NCOA2: variants seen among roughly 807,000 people sequenced by gnomAD.
NCOA2 encodes the protein class E basic helix-loop-helix protein 75.
In NCOA2, 21 loss-of-function variants were observed where a neutral mutation model predicts 145.1. That is an observed-to-expected ratio of 0.14 (90% CI 0.10 to 0.21). NCOA2 has a LOEUF of 0.21. NCOA2 is among the 10% of genes least tolerant of loss of function. The pLI is 1.00. For missense variants in NCOA2, 1,472 were observed against 1,837.6 expected (o/e 0.80, Z 3.64); for synonymous variants, 619 against 637.5 (o/e 0.97, Z 0.44).
At chr8:70,325,087 T>G (rs1806435260) in intron 1 of NCOA2, among the ~76,000 whole-genome samples, 1 of 152,246 alleles carries the variant, frequency 6.6e-6, no homozygotes, top group Non-Finnish European at 1.5e-5. Context: ...ATTACTGTTA[T>G]TCCTATCTTA....
At chr8:70,307,086 G>A (rs1437139236) in intron 1 of NCOA2, among the ~76,000 whole-genome samples, 1 of 151,924 alleles carries the variant, frequency 6.6e-6, no homozygotes, top group East Asian at 1.9e-4. Flanking sequence ...TCAAAGAAAA[G>A]GATTTGATAT....
intron 2 of NCOA2, among the ~76,000 whole-genome samples, chr8:70,222,125 T>C (rs1335515626): frequency 2.0e-5 from 3 of 152,332 alleles, no homozygotes; most frequent in East Asian, 1.9e-4. Flanking sequence ...TTAATTCATA[T>C]AGTAACAACA....
At chr8:70,297,437 G>C (rs760577026) in intron 1 of NCOA2, among the ~76,000 whole-genome samples, 3 of 152,162 alleles carry the variant, frequency 2.0e-5, no homozygotes, top group Non-Finnish European at 4.4e-5. Context: ...AGGCTCAGGT[G>C]ATCCTCCCGC....
chr8:70,171,966 G>C (rs545730554), intron 5 of NCOA2, among the ~76,000 whole-genome samples: 1 of 152,170 alleles, frequency 6.6e-6, no homozygotes, highest in South Asian at 2.1e-4. Flanking sequence ...TGGAACTACA[G>C]GCATGTACCA....
rs116291656 is a variant in NCOA2 at position 70,131,799 on chromosome 8, G to A, written c.3324+38C>T. On this transcript the variant is annotated intron_variant, in intron 16 of 22. Transcript: ENST00000452400. Reference sequence around the variant, plus strand: ...AAAATGGACACCTCTGCGCCCATGAGAGCGCTTGGCCCCCACCTGCTGCCC... The same window carrying A: ...AAAATGGACACCTCTGCGCCCATGAAAGCGCTTGGCCCCCACCTGCTGCCC... The A allele has an allele frequency of 1.5e-3, 2,415 of 1,558,942 alleles. 35 individuals carry two copies. The African/African-American group carries it at 0.028, about 18-fold the overall frequency.
chr8:70,432,846 C>T, the NCOA2 span, among the ~76,000 whole-genome samples: 1 of 151,844 alleles, frequency 6.6e-6, no homozygotes, highest in East Asian at 1.9e-4. Flanking sequence ...AGTTAAAAAT[C>T]TATGTTTTGG....
rs528360398 is a variant in NCOA2, at chr8:70,282,253, A to G, written c.-20+14491T>C. Among the ~76,000 whole-genome samples the G allele has an allele frequency of 1.4e-4, 22 of 152,340 alleles. 1 individual carries two copies. The South Asian group carries it at 3.5e-3, about 24-fold the overall frequency. On this transcript the variant is annotated intron_variant, in intron 2 of 22. Coordinates refer to ENST00000452400, the MANE Select transcript of NCOA2 (RefSeq NM_006540.4). ...TATCCAACTAGATGTATACAGATTGATTATAAAGATTAATAAAGATATATG... is the reference window on the plus strand; with the variant it reads ...TATCCAACTAGATGTATACAGATTGGTTATAAAGATTAATAAAGATATATG...
At chr8:70,127,352 C>A (rs147866847) in intron 18 of NCOA2, among the ~76,000 whole-genome samples, 15 of 152,256 alleles carry the variant, frequency 9.9e-5, no homozygotes, top group African/African-American at 3.4e-4. Context: ...TAACACAGTC[C>A]TTTCTATAAG....
At chr8:70,221,515 T>C (rs970303503) in intron 2 of NCOA2, among the ~76,000 whole-genome samples, 15 of 152,222 alleles carry the variant, frequency 9.9e-5, no homozygotes, top group East Asian at 9.6e-4. Flanking sequence ...ATAAACAAAA[T>C]GTGCTTTTTG....
intron 2 of NCOA2, among the ~76,000 whole-genome samples, chr8:70,267,741 A>C (rs1824733667): frequency 6.6e-6 from 1 of 152,178 alleles, no homozygotes; most frequent in Non-Finnish European, 1.5e-5. Flanking sequence ...TGAATTACAT[A>C]TTAAATAATC....
intron 1 of NCOA2, among the ~76,000 whole-genome samples, chr8:70,395,661 A>C (rs2131694555): frequency 6.6e-6 from 1 of 152,338 alleles, no homozygotes; most frequent in East Asian, 1.9e-4. Context: ...ACAATACCAA[A>C]GACAAGGGAA....
chr8:70,226,657 TATTTA>T (rs1820671983), intron 2 of NCOA2, among the ~76,000 whole-genome samples: 3 of 59,600 alleles, frequency 5.0e-5, no homozygotes, highest in Non-Finnish European at 1.3e-4. Context: ...ATGTTTTAAT[TATTTA>T]TATATATATA....
intron 1 of NCOA2, among the ~76,000 whole-genome samples, chr8:70,312,034 G>A (rs79566950): frequency 0.037 from 5,561 of 152,162 alleles, 357 homozygotes; most frequent in African/African-American, 0.13. Flanking sequence ...TGTGCATTAG[G>A]AAAATGCCTA....
At chr8:70,130,718 C>G (rs986375963) in intron 16 of NCOA2, among the ~76,000 whole-genome samples, 12 of 151,832 alleles carry the variant, frequency 7.9e-5, no homozygotes, top group Non-Finnish European at 1.6e-4. Flanking sequence ...ATCTTTCTCT[C>G]AGAAAGATGA....
intron 22 of NCOA2, among the ~76,000 whole-genome samples, chr8:70,114,539 C>CTGGG (rs1806869973): frequency 6.6e-6 from 1 of 152,190 alleles, no homozygotes; most frequent in Non-Finnish European, 1.5e-5. Flanking sequence ...ATGCTAGGTG[C>CTGGG]TGGGATATAT....
intron 1 of NCOA2, among the ~76,000 whole-genome samples, chr8:70,301,496 T>C (rs1477002468): frequency 6.6e-6 from 1 of 150,582 alleles, no homozygotes; most frequent in Non-Finnish European, 1.5e-5. Flanking sequence ...CTCCAAAAAA[T>C]ACAAAAAAAT....
intron 2 of NCOA2, among the ~76,000 whole-genome samples, chr8:70,224,952 C>T (rs1020140557): frequency 4.6e-5 from 7 of 151,726 alleles, no homozygotes; most frequent in African/African-American, 1.5e-4. Context: ...TGTTCCCCTA[C>T]CCCTCTCCTC....
chr8:70,393,222 T>A (rs375662222), intron 1 of NCOA2, among the ~76,000 whole-genome samples: 1 of 151,936 alleles, frequency 6.6e-6, no homozygotes, highest in East Asian at 1.9e-4. Flanking sequence ...GGGAAAACAA[T>A]CCCCCAAATG....
At position 70,276,846 on chromosome 8, in the gene NCOA2, C is replaced by A. The variant is rs928142190; in HGVS notation, c.-20+19898G>T. Among the ~76,000 whole-genome samples the A allele has an allele frequency of 1.8e-4, 28 of 152,226 alleles. No homozygotes were observed. The South Asian group carries it at 5.6e-3, about 31-fold the overall frequency. ...TTCTCTCAAATTCTGATATACAGAC[C>A]TTTAAAAAACAGACATCATCTACAT... On this transcript the variant is annotated intron_variant, in intron 2 of 22. Coordinates refer to ENST00000452400, the MANE Select transcript of NCOA2 (RefSeq NM_006540.4).
Sources: allele counts gnomAD v4.1 joint callset (sites outside exome capture counted in the v4.1 genomes callset), GRCh38; gene constraint gnomAD v4.1.1; transcripts MANE v1.5; gene names NCBI Gene and HGNC (gene_info 2026-07-23, HGNC 2026-07-21).